The following C19orf38 variants were observed in gnomAD, a reference collection of about 807,000 sequenced individuals.
C19orf38 encodes chromosome 19 open reading frame 38.
Under a neutral mutation model 26.6 loss-of-function variants are expected in C19orf38, and 14 were observed. That is an observed-to-expected ratio of 0.53 (90% CI 0.35 to 0.82). The LOEUF is 0.82. Ranked by LOEUF, C19orf38 falls within the 40% of genes least tolerant of loss-of-function variation. The probability of loss-of-function intolerance (pLI) is 0.01; values close to 1 mark genes in which losing one functional copy is unlikely to be tolerated. For synonymous variants in C19orf38, 132 were observed against 128.5 expected (o/e 1.03, Z -0.18); for missense variants, 261 against 299.5 (o/e 0.87, Z 0.95).
chr19:10,842,501 C>A (rs929009481), intron 1 of C19orf38, among the ~76,000 whole-genome samples: 14 of 152,074 alleles, frequency 9.2e-5, no homozygotes, highest in Non-Finnish European at 1.9e-4. Context: ...ACCTCGTGAT[C>A]CGTCGGCCTT....
At chr19:10,844,993 C>CAAAAAAAAAAAAAAAAAAA (rs57500129), upstream of C19orf38, among the ~76,000 whole-genome samples, 2 of 95,824 alleles carry the variant, frequency 2.1e-5, no homozygotes, top group South Asian at 3.2e-4. Flanking sequence ...CCTTTCTCTA[C>CAAAAAAAAAAAAAAAAAAA]AAAAAAAAAA....
intron 5 of C19orf38, among the ~76,000 whole-genome samples, chr19:10,860,467 G>A (rs1399506012): frequency 6.7e-6 from 1 of 148,162 alleles, no homozygotes; most frequent in Non-Finnish European, 1.5e-5. Flanking sequence ...CCTGGGAGGC[G>A]GAGGTTGCAG....
At chr19:10,845,126 C>T (rs539738716), upstream of C19orf38, among the ~76,000 whole-genome samples, 20 of 150,262 alleles carry the variant, frequency 1.3e-4, no homozygotes, top group African/African-American at 4.9e-4. Context: ...CACTGCACTC[C>T]AGCAGCCTGG....
At chr19:10,865,437 A>G (rs191666011) in intron 6 of C19orf38, among the ~76,000 whole-genome samples, 67 of 151,190 alleles carry the variant, frequency 4.4e-4, no homozygotes, top group Middle Eastern at 6.9e-3. Context: ...ATGAGCCACC[A>G]TGCCCGGCCT....
At chr19:10,862,325 C>T (rs1191707057) in intron 5 of C19orf38, among the ~76,000 whole-genome samples, 1 of 151,840 alleles carries the variant, frequency 6.6e-6, no homozygotes, top group Non-Finnish European at 1.5e-5. Flanking sequence ...CCCTCTCAGC[C>T]TCCTGAGTAG....
chr19:10,838,529 C>T (rs1424417258), intron 1 of C19orf38, among the ~76,000 whole-genome samples: 1 of 152,142 alleles, frequency 6.6e-6, no homozygotes, highest in Non-Finnish European at 1.5e-5. Flanking sequence ...AGTAAAGATC[C>T]CTGTACCCAT....
At chr19:10,842,089 A>C in intron 1 of C19orf38, 1 of 1,590,024 alleles carries the variant, frequency 6.3e-7, no homozygotes, top group Non-Finnish European at 8.6e-7. Context: ...ATGGCTCAGC[A>C]GACTCCCGTA....
chr19:10,847,346 C>A (rs1040499062), upstream of C19orf38, among the ~76,000 whole-genome samples: 3 of 142,602 alleles, frequency 2.1e-5, no homozygotes, highest in Admixed American at 1.4e-4. Flanking sequence ...ACTACAAGTT[C>A]TTTGAATCTA....
At chr19:10,861,346 C>A (rs556018951) in intron 5 of C19orf38, among the ~76,000 whole-genome samples, 21 of 152,352 alleles carry the variant, frequency 1.4e-4, no homozygotes, top group African/African-American at 5.0e-4. Context: ...GTCTGTCATG[C>A]AGGATATTCT....
intron 1 of C19orf38, among the ~76,000 whole-genome samples, chr19:10,838,992 G>A (rs930884919): frequency 1.3e-5 from 2 of 150,688 alleles, no homozygotes; most frequent in African/African-American, 2.4e-5. Context: ...TAGGCTCTCC[G>A]CAACCTCCGC....
intron 5 of C19orf38, among the ~76,000 whole-genome samples, chr19:10,862,122 G>A (rs756800425): frequency 3.7e-4 from 56 of 149,974 alleles, no homozygotes; most frequent in Non-Finnish European, 6.2e-4. Context: ...GGATGGTCTC[G>A]ATCTCCTGAC....
chr19:10,857,685 A>T (rs1004462695), intron 3 of C19orf38, among the ~76,000 whole-genome samples: 4 of 151,620 alleles, frequency 2.6e-5, no homozygotes, highest in African/African-American at 9.7e-5. Context: ...GTTTGAGACC[A>T]GCCTGGGCAA....
At chr19:10,841,822 T>A (rs959710746) in intron 1 of C19orf38, 305 of 1,299,484 alleles carry the variant, frequency 2.3e-4, no homozygotes, top group Non-Finnish European at 3.0e-4. Flanking sequence ...AAACATTTTT[T>A]AAAAAATTAG....
intron 4 of C19orf38, among the ~76,000 whole-genome samples, chr19:10,859,366 A>G (rs59145390): frequency 0.019 from 918 of 48,892 alleles, 18 homozygotes; most frequent in Admixed American, 0.026. Context: ...ATATATATAT[A>G]TATATATATA....
chr19:10,859,348 GTATA>G (rs1164393634), intron 4 of C19orf38, among the ~76,000 whole-genome samples: 1,003 of 55,588 alleles, frequency 0.018, 8 homozygotes, highest in African/African-American at 0.023. Context: ...GTGTGTGTGT[GTATA>G]TATATATATA....
chr19:10,842,232 C>T (rs1374061087), intron 1 of C19orf38: 2 of 1,192,018 alleles, frequency 1.7e-6, no homozygotes, highest in Non-Finnish European at 1.2e-6. Context: ...ACCACAGAAC[C>T]ATCTCTTGGA....
intron 5 of C19orf38, among the ~76,000 whole-genome samples, chr19:10,860,623 C>G (rs868817006): frequency 6.8e-6 from 1 of 147,910 alleles, no homozygotes. Flanking sequence ...GGGCGGATCA[C>G]GAGGTCAGGA....
rs2073535775 is a variant in C19orf38 at position 10,848,452 on chromosome 19, G to A, written c.-57G>A. On this transcript the variant is annotated 5_prime_UTR_variant, in exon 1 of 7. Coordinates refer to ENST00000397820, the MANE Select transcript of C19orf38 (RefSeq NM_001136482.3). ...ATCTGGCCTCACAGGAGGAGTTGGC[G>A]GGGAGCCTTGGGCCCCTCTGGCCTC... 1.6e-5 allele frequency: 24 copies of A among 1,540,518 alleles called. No homozygotes were observed. The highest frequency in any genetic ancestry group is 1.2e-4 in the South Asian group (10 of 83,818).
chr19:10,844,112 TAA>T (rs754527815), upstream of C19orf38, among the ~76,000 whole-genome samples: 2 of 137,562 alleles, frequency 1.5e-5, no homozygotes, highest in Non-Finnish European at 1.6e-5. Context: ...AGACCATGTC[TAA>T]AAAAAAAAAA....
Sources: allele counts gnomAD v4.1 joint callset (sites outside exome capture counted in the v4.1 genomes callset), GRCh38; gene constraint gnomAD v4.1.1; transcripts MANE v1.5; gene names NCBI Gene and HGNC (gene_info 2026-07-23, HGNC 2026-07-21).